The following FTO variants were observed in gnomAD, a reference collection of about 807,000 sequenced individuals.
The protein encoded by FTO is FTO alpha-ketoglutarate dependent dioxygenase, also known as alpha-ketoglutarate-dependent dioxygenase FTO.
A neutral mutation model predicts 63.9 loss-of-function variants in FTO; 47 were observed. The observed-to-expected ratio is 0.74, with a 90% CI of 0.58 to 0.94. FTO has a LOEUF of 0.94. Ranked by LOEUF, FTO falls within the 40% of genes least tolerant of loss-of-function variation. The pLI, the probability that FTO is intolerant of heterozygous loss-of-function variation, is 0.00. For missense variants in FTO, 562 were observed against 618.1 expected (o/e 0.91, Z 0.96); for synonymous variants, 207 against 224.4 (o/e 0.92, Z 0.69).
chr16:53,991,166 G>GTAACCCA (rs1250894409), intron 8 of FTO: 1 of 152,136 alleles, frequency 6.6e-6, no homozygotes, highest in Non-Finnish European at 1.5e-5. Context: ...ACCCTCTTCT[G>GTAACCCA]TAACCCAAAT....
In FTO at chr16:53,885,113, C is replaced by A. The variant is rs1405025195; in HGVS notation, c.1120-3719C>A. Among the ~76,000 whole-genome samples the A allele has an allele frequency of 2.0e-5, 3 of 152,116 alleles. No homozygotes were observed. In the East Asian group the frequency reaches 5.8e-4, roughly 29 times the overall value. Reference sequence around the variant, plus strand: ...TTGATGTTTGTTTGGTTTTTTAGCCCCAAAGTAATAAGGACTCACTGTATT... The same window carrying A: ...TTGATGTTTGTTTGGTTTTTTAGCCACAAAGTAATAAGGACTCACTGTATT... On this transcript the variant is annotated intron_variant, in intron 6 of 8. Transcript: ENST00000471389.
chr16:53,912,667 C>T (rs1053943598), intron 7 of FTO, among the ~76,000 whole-genome samples: 6 of 152,196 alleles, frequency 3.9e-5, no homozygotes, highest in Admixed American at 2.0e-4. Context: ...AGAACCAGGA[C>T]ATGACTTGTT....
In FTO at chr16:53,984,347, T is replaced by TG. The variant is rs1199760733; in HGVS notation, c.1364+50238_1364+50239insG. 2.7e-5 allele frequency among the ~76,000 whole-genome samples: 4 copies of TG among 145,502 alleles called. No homozygotes were observed. In the East Asian group the frequency reaches 8.1e-4, roughly 29 times the overall value. On this transcript the variant is annotated intron_variant, in intron 8 of 8. Coordinates refer to ENST00000471389, the MANE Select transcript of FTO (RefSeq NM_001080432.3). Reference sequence around the variant, plus strand: ...TTTTTTTTTTTTTTTTTTTTTTTTTTTGACTCACTCTCTCGCCCAGGCTGG... The same window carrying TG: ...TTTTTTTTTTTTTTTTTTTTTTTTTTGTGACTCACTCTCTCGCCCAGGCTGG...
At chr16:53,754,901 A>G (rs953292061) in intron 1 of FTO, among the ~76,000 whole-genome samples, 5 of 152,194 alleles carry the variant, frequency 3.3e-5, no homozygotes, top group African/African-American at 1.2e-4. Context: ...ATCGTATGAC[A>G]ATATGCTGAT....
In FTO at chr16:54,089,718, G is replaced by A. The variant is rs192760717; in HGVS notation, c.1365-22044G>A. ...AGACAATCTAATTTTTAAAATGAGC[G>A]AAGGATTTCATTAGACATTTCTCCA... On this transcript the variant is annotated intron_variant, in intron 8 of 8. Coordinates refer to ENST00000471389, the MANE Select transcript of FTO (RefSeq NM_001080432.3). Among the ~76,000 whole-genome samples the A allele has an allele frequency of 5.0e-3, 764 of 152,134 alleles. 9 individuals carry two copies. Among genetic ancestry groups the A allele is most frequent in the African/African-American group, 0.017 (710 of 41,514 alleles).
rs143230315 is a variant in FTO at position 53,797,570 on chromosome 16, G to T, written c.46-12570G>T. ...CTTTTTCTTTTTTTCAATATACTGCGATTTCTTTATCTGTGCACTTGTTGA... is the reference window on the plus strand; with the variant it reads ...CTTTTTCTTTTTTTCAATATACTGCTATTTCTTTATCTGTGCACTTGTTGA... On this transcript the variant is annotated intron_variant, in intron 1 of 8. Coordinates refer to ENST00000471389, the MANE Select transcript of FTO (RefSeq NM_001080432.3). Among the ~76,000 whole-genome samples, 20 of 151,944 alleles carry T rather than the reference G, an allele frequency of 1.3e-4. 1 individual carries two copies. In the East Asian group the frequency reaches 3.1e-3, roughly 23 times the overall value.
intron 4 of FTO, 69 bp downstream of exon 4, chr16:53,844,367 T>G: frequency 8.1e-7 from 1 of 1,227,072 alleles, no homozygotes. Context: ...GATTTATATT[T>G]TGAGTATGTC....
chr16:53,850,735 ACACT>A (rs1380304111), intron 4 of FTO, among the ~76,000 whole-genome samples: 2 of 151,762 alleles, frequency 1.3e-5, no homozygotes, highest in Non-Finnish European at 2.9e-5. Flanking sequence ...TCTCATTCTG[ACACT>A]CACTTTTTTT....
intron 8 of FTO, among the ~76,000 whole-genome samples, chr16:54,077,012 A>T (rs1473854051): frequency 6.6e-6 from 1 of 152,188 alleles, no homozygotes; most frequent in African/African-American, 2.4e-5. Flanking sequence ...TATTTGACAT[A>T]TGTGATTAAC....
intron 2 of FTO, among the ~76,000 whole-genome samples, chr16:53,823,527 T>A (rs1296867488): frequency 8.2e-6 from 1 of 121,780 alleles, no homozygotes; most frequent in Non-Finnish European, 1.6e-5. Flanking sequence ...CACCTGGAGG[T>A]TTCATAGGTA....
chr16:54,094,497 G>A (rs1245010200), intron 8 of FTO, among the ~76,000 whole-genome samples: 1 of 152,188 alleles, frequency 6.6e-6, no homozygotes, highest in Non-Finnish European at 1.5e-5. Context: ...AGTCTTCCGT[G>A]GCTCTCAGCA....
At chr16:54,097,422 C>A (rs1446808556) in intron 8 of FTO, among the ~76,000 whole-genome samples, 6 of 151,998 alleles carry the variant, frequency 3.9e-5, no homozygotes, top group Non-Finnish European at 7.4e-5. Context: ...CTCACTGCAA[C>A]CTCGACCTTC....
intron 7 of FTO, among the ~76,000 whole-genome samples, chr16:53,906,759 C>T (rs1393197572): frequency 1.3e-5 from 2 of 152,106 alleles, no homozygotes; most frequent in Non-Finnish European, 2.9e-5. Context: ...TATAAGGCTT[C>T]TAAAGTGGAC....
intron 8 of FTO, among the ~76,000 whole-genome samples, chr16:54,106,954 A>G (rs2086770459): frequency 6.9e-6 from 1 of 144,190 alleles, no homozygotes; most frequent in East Asian, 2.0e-4. Context: ...TATTATGTAT[A>G]TACTTTATCT....
intron 8 of FTO, among the ~76,000 whole-genome samples, chr16:54,015,730 C>T (rs1338342931): frequency 6.6e-6 from 1 of 152,232 alleles, no homozygotes; most frequent in African/African-American, 2.4e-5. Context: ...TATTTCATCT[C>T]ATTCTCACAA....
intron 8 of FTO, among the ~76,000 whole-genome samples, chr16:54,090,795 T>C (rs536985075): frequency 3.3e-5 from 5 of 152,266 alleles, no homozygotes; most frequent in South Asian, 4.1e-4. Flanking sequence ...TTCTGCTGGG[T>C]TCACTGAGGG....
rs1165933728 is a variant in FTO, at chr16:54,120,509, A to G, written c.*8594A>G. On this transcript the variant is annotated 3_prime_UTR_variant, in exon 9 of 9. Coordinates refer to ENST00000471389, the MANE Select transcript of FTO (RefSeq NM_001080432.3). ...AGAGCAGCGTGGTGAAAGAAGCAAT[A>G]GTTACCACATTTGCAAAGGCACATA... 6.6e-6 allele frequency: 1 copy of G among 152,248 alleles called. No individual in the cohort carries two copies. The highest frequency in any genetic ancestry group is 1.5e-5 in the Non-Finnish European group (1 of 68,056). The allele number at this position is 152,248 out of a possible 1,614,324, so 9.4% of individuals were successfully genotyped here. A position where few individuals can be genotyped will look rare whatever the true frequency, so the allele number is the denominator to read the frequency against.
chr16:54,084,549 C>T (rs2086219714), intron 8 of FTO, among the ~76,000 whole-genome samples: 1 of 152,136 alleles, frequency 6.6e-6, no homozygotes, highest in East Asian at 1.9e-4. Context: ...TGTCTCTCTG[C>T]GTTAGCTTCA....
At chr16:54,031,271 A>G (rs2084825676) in intron 8 of FTO, among the ~76,000 whole-genome samples, 1 of 152,204 alleles carries the variant, frequency 6.6e-6, no homozygotes, top group African/African-American at 2.4e-5. Flanking sequence ...AGCCCAACGG[A>G]TACTTCTTGC....
Sources: allele counts gnomAD v4.1 joint callset (sites outside exome capture counted in the v4.1 genomes callset), GRCh38; gene constraint gnomAD v4.1.1; transcripts MANE v1.5; gene names NCBI Gene and HGNC (gene_info 2026-07-23, HGNC 2026-07-21).